NETO2: variants seen among roughly 807,000 people sequenced by gnomAD.
The protein encoded by NETO2 is neuropilin and tolloid-like protein 2.
NETO2 carries 28 observed loss-of-function variants against 62.5 expected under a neutral mutation model. That is an observed-to-expected ratio of 0.45 (90% CI 0.33 to 0.61). NETO2 has a LOEUF of 0.61. Among genes scored for constraint, NETO2 ranks in the 20% least tolerant of loss-of-function variants. The probability of loss-of-function intolerance (pLI) is 0.02; values close to 1 mark genes in which losing one functional copy is unlikely to be tolerated. For synonymous variants in NETO2, 214 were observed against 219.1 expected, an observed-to-expected ratio of 0.98 and a Z score of 0.21; for missense variants, 548 against 643.2, an observed-to-expected ratio of 0.85 and a Z score of 1.60.
chr16:47,135,654 T>C (rs1274428202), intron 1 of NETO2, among the ~76,000 whole-genome samples: 1 of 152,232 alleles, frequency 6.6e-6, no homozygotes, highest in African/African-American at 2.4e-5. Flanking sequence ...ACTCCCTTTA[T>C]TCCTCCTCTT....
intron 6 of NETO2, among the ~76,000 whole-genome samples, chr16:47,120,825 T>C (rs756388017): frequency 3.3e-5 from 5 of 152,198 alleles, no homozygotes; most frequent in Non-Finnish European, 7.3e-5. Flanking sequence ...ACAATGTCAG[T>C]GTCACTTAAA....
At chr16:47,090,954 T>A (rs1389817911) in intron 7 of NETO2, among the ~76,000 whole-genome samples, 1 of 152,178 alleles carries the variant, frequency 6.6e-6, no homozygotes, top group Admixed American at 6.5e-5. Context: ...TATATAAACC[T>A]CTTCTGAAAT....
rs1270469581 is a variant in NETO2 at position 47,080,359 on chromosome 16, G to T, written c.*2862C>A. ...AGATTTGCATTTTGTGTTCAACACT[G>T]GGACACTGTGTGGGGTACCCTGCGT... On this transcript the variant is annotated 3_prime_UTR_variant, in exon 9 of 9. Coordinates refer to ENST00000562435, the MANE Select transcript of NETO2 (RefSeq NM_018092.5). 1 of 152,174 alleles carries T rather than the reference G, an allele frequency of 6.6e-6. No individual in the cohort carries two copies. The highest frequency in any genetic ancestry group is 6.5e-5 in the Admixed American group (1 of 15,274). 9.4% of individuals were successfully genotyped at this position (152,174 alleles called of 1,614,324 possible). A position where few individuals can be genotyped will look rare whatever the true frequency, so the allele number is the denominator to read the frequency against.
chr16:47,090,616 G>A (rs1024363397), intron 7 of NETO2, among the ~76,000 whole-genome samples: 2 of 152,146 alleles, frequency 1.3e-5, no homozygotes, highest in African/African-American at 4.8e-5. Flanking sequence ...AATGAGATGT[G>A]GCAATGATGC....
intron 6 of NETO2, among the ~76,000 whole-genome samples, chr16:47,115,697 T>TTATATATATATACA (rs1266490883): frequency 8.5e-6 from 1 of 117,884 alleles, no homozygotes; most frequent in Non-Finnish European, 1.6e-5. Flanking sequence ...CGGCTAATTT[T>TTATATATATATACA]TATATATATA....
At chr16:47,095,559 A>G (rs1201846181) in intron 7 of NETO2, among the ~76,000 whole-genome samples, 1 of 152,192 alleles carries the variant, frequency 6.6e-6, no homozygotes, top group South Asian at 2.1e-4. Flanking sequence ...CTAGTCTTGG[A>G]TAAAAAAGGA....
At chr16:47,112,064 A>G (rs913074989) in intron 6 of NETO2, among the ~76,000 whole-genome samples, 1 of 152,122 alleles carries the variant, frequency 6.6e-6, no homozygotes, top group African/African-American at 2.4e-5. Flanking sequence ...CTTCTTTTGT[A>G]TATTTATTTT....
chr16:47,118,449 C>G (rs930897241), intron 6 of NETO2, among the ~76,000 whole-genome samples: 5 of 152,210 alleles, frequency 3.3e-5, no homozygotes, highest in African/African-American at 1.2e-4. Context: ...TCTCCTCTAT[C>G]TAGTTCCTCT....
chr16:47,122,464 CAGTTT>C (rs1426606294), intron 6 of NETO2, among the ~76,000 whole-genome samples, 188 bp downstream of exon 6: 1 of 152,126 alleles, frequency 6.6e-6, no homozygotes, highest in Non-Finnish European at 1.5e-5. Context: ...TCAGAAATTT[CAGTTT>C]ATTTAACTAT....
chr16:47,088,018 A>C (rs1350558082), intron 7 of NETO2, among the ~76,000 whole-genome samples: 4 of 152,242 alleles, frequency 2.6e-5, no homozygotes, highest in African/African-American at 4.8e-5. Flanking sequence ...AGTGTAAAGA[A>C]ACAAACAAAA....
At chr16:47,103,834 C>T (rs1008958496) in intron 7 of NETO2, among the ~76,000 whole-genome samples, 1 of 152,082 alleles carries the variant, frequency 6.6e-6, no homozygotes, top group African/African-American at 2.4e-5. Flanking sequence ...ATTCAACAGG[C>T]TTTCATAAGA....
rs888946624 is a variant in NETO2 at position 47,109,825 on chromosome 16, T to C, written c.655-114A>G. 1.3e-5 allele frequency: 9 copies of C among 695,266 alleles called. No individual in the cohort carries two copies. The African/African-American group carries it at 1.6e-4, about 12-fold the overall frequency. The allele number at this position is 695,266 out of a possible 1,614,324, so 43.1% of individuals were successfully genotyped here. A position where few individuals can be genotyped will look rare whatever the true frequency, so the allele number is the denominator to read the frequency against. On this transcript the variant is annotated intron_variant, in intron 6 of 8. Transcript: ENST00000562435. ...CCGAATGACAGCTGACAGAAAACCA[T>C]AATCGATAAATGGCTGATGCCTAAA...
intron 1 of NETO2, among the ~76,000 whole-genome samples, chr16:47,138,662 C>T (rs1298382439): frequency 1.3e-5 from 2 of 152,190 alleles, no homozygotes; most frequent in African/African-American, 4.8e-5. Flanking sequence ...AAGTTTCTGC[C>T]ACAGTCCCTA....
intron 7 of NETO2, among the ~76,000 whole-genome samples, chr16:47,103,993 T>C (rs1963615247): frequency 6.6e-6 from 1 of 152,120 alleles, no homozygotes; most frequent in African/African-American, 2.4e-5. Flanking sequence ...TCACTTCTAT[T>C]GAATATATAC....
At chr16:47,097,483 T>C (rs1963451777) in intron 7 of NETO2, among the ~76,000 whole-genome samples, 1 of 152,220 alleles carries the variant, frequency 6.6e-6, no homozygotes, top group African/African-American at 2.4e-5. Context: ...ATTCCTCCTC[T>C]CTGGGCAGGG....
At chr16:47,142,777 C>A (rs1319453417) in intron 1 of NETO2, among the ~76,000 whole-genome samples, 1 of 152,222 alleles carries the variant, frequency 6.6e-6, no homozygotes, top group Admixed American at 6.5e-5. Flanking sequence ...TCTAAATTAC[C>A]ACCTCCTGGG....
chr16:47,111,929 G>A (rs1366756066), intron 6 of NETO2, among the ~76,000 whole-genome samples: 1 of 152,106 alleles, frequency 6.6e-6, no homozygotes, highest in Non-Finnish European at 1.5e-5. Flanking sequence ...AGGGAAAAGG[G>A]ATGCTATTTA....
At chr16:47,114,596 C>T (rs1224630841) in intron 6 of NETO2, among the ~76,000 whole-genome samples, 10 of 150,404 alleles carry the variant, frequency 6.6e-5, no homozygotes, top group African/African-American at 2.2e-4. Context: ...GACTACAGGC[C>T]CCCGCCACCA....
At chr16:47,139,386 C>A (rs1596754380) in intron 1 of NETO2, among the ~76,000 whole-genome samples, 1 of 152,240 alleles carries the variant, frequency 6.6e-6, no homozygotes, top group Non-Finnish European at 1.5e-5. Flanking sequence ...TACCCTGCCA[C>A]CACTGTTATT....
Sources: allele counts gnomAD v4.1 joint callset (sites outside exome capture counted in the v4.1 genomes callset), GRCh38; gene constraint gnomAD v4.1.1; transcripts MANE v1.5; gene names NCBI Gene and HGNC (gene_info 2026-07-23, HGNC 2026-07-21).